Variants in UAP1 observed in about 807,000 individuals in gnomAD.
UAP1 encodes the protein UDP-N-acetylglucosamine pyrophosphorylase 1, also known as UDP-N-acetylhexosamine pyrophosphorylase.
A neutral mutation model predicts 58.5 loss-of-function variants in UAP1; 25 were observed. That is an observed-to-expected ratio of 0.43 (90% CI 0.31 to 0.60). UAP1 has a LOEUF of 0.60. UAP1 is among the 20% of genes least tolerant of loss of function. The pLI, the probability that UAP1 is intolerant of heterozygous loss-of-function variation, is 0.11. For missense variants in UAP1, 575 were observed against 630.0 expected (o/e 0.91, Z 0.93); for synonymous variants, 208 against 213.0 (o/e 0.98, Z 0.21).
At chr1:162,599,467 A>G (rs1252947245) in exon 11 of UAP1, 3 of 704,132 alleles carry the variant, frequency 4.3e-6, no homozygotes, top group Admixed American at 2.8e-5. Context: ...TTAAATATCC[A>G]CAGGGTTTTA....
chr1:162,568,017 C>T lies in UAP1; in HGVS notation c.280+1669C>T, dbSNP rs576098361. On this transcript the variant is annotated intron_variant, in intron 2 of 10. Coordinates refer to ENST00000271469, the Ensembl canonical transcript of UAP1. ...TTCACCATGTTGGCCAGACTGGTCT[C>T]GAACTCCTGACCTCAAGTGATCCGC... 5.9e-5 allele frequency among the ~76,000 whole-genome samples: 9 copies of T among 152,220 alleles called. No homozygotes were observed. The South Asian group carries it at 1.7e-3, about 28-fold the overall frequency.
At chr1:162,583,572 T>C (rs77915206) in intron 5 of UAP1, among the ~76,000 whole-genome samples, 32,944 of 152,114 alleles carry the variant, frequency 0.22, 3,821 homozygotes, top group Middle Eastern at 0.31. Context: ...AGAGATCATC[T>C]GGTCAACCCC....
chr1:162,567,931 G>C (rs1653620143), intron 2 of UAP1, among the ~76,000 whole-genome samples: 1 of 152,078 alleles, frequency 6.6e-6, no homozygotes, highest in Non-Finnish European at 1.5e-5. Context: ...GAGTAGCTGG[G>C]ATTACAGGTT....
exon 11 of UAP1, chr1:162,599,342 G>A (rs755601174): frequency 1.2e-5 from 19 of 1,611,224 alleles, no homozygotes; most frequent in Non-Finnish European, 1.5e-5. Flanking sequence ...GAGTTCATGA[G>A]CTGGTGAAAA....
chr1:162,601,187 AT>A (rs1655880470), downstream of UAP1, among the ~76,000 whole-genome samples: 1 of 152,210 alleles, frequency 6.6e-6, no homozygotes, highest in South Asian at 2.1e-4. Flanking sequence ...AAAATACAGA[AT>A]TGGGTAAAAT....
chr1:162,568,083 C>T (rs544012279), intron 2 of UAP1, among the ~76,000 whole-genome samples: 1 of 152,308 alleles, frequency 6.6e-6, no homozygotes, highest in South Asian at 2.1e-4. Flanking sequence ...CAGGTATGAG[C>T]CACCGTGCCC....
chr1:162,567,112 T>A (rs1653563293), intron 2 of UAP1, among the ~76,000 whole-genome samples: 2 of 152,230 alleles, frequency 1.3e-5, no homozygotes, highest in South Asian at 4.1e-4. Context: ...GGTCACCTTG[T>A]AAGGTCATTT....
At chr1:162,561,642 T>G (rs1210538560) in exon 1 of UAP1, 1 of 151,534 alleles carries the variant, frequency 6.6e-6, no homozygotes, top group Admixed American at 6.6e-5. Flanking sequence ...GCGCTCCACT[T>G]GGCCCCCGCT....
rs369015311 is a variant in UAP1 at position 162,596,098 on chromosome 1, C to T, written c.1410-1694C>T. Among the ~76,000 whole-genome samples the T allele has an allele frequency of 1.1e-4, 16 of 152,134 alleles. No homozygotes were observed. The East Asian group carries it at 2.1e-3, about 20-fold the overall frequency. On this transcript the variant is annotated intron_variant, in intron 9 of 10. Transcript: ENST00000271469. ...GAATTCCTGACCTCAAGTGATCTGC[C>T]CACCTTGGCCTCTCAAAGTGCTGAG...
At chr1:162,577,955 T>A (rs1377807645) in intron 3 of UAP1, among the ~76,000 whole-genome samples, 1 of 151,976 alleles carries the variant, frequency 6.6e-6, no homozygotes, top group Non-Finnish European at 1.5e-5. Flanking sequence ...GGTCTCAAAT[T>A]CCTGAGCTCA....
intron 7 of UAP1, among the ~76,000 whole-genome samples, chr1:162,589,132 ATTTATATATTTATATAATATATAT>A (rs1557977282): frequency 9.2e-6 from 1 of 108,454 alleles, no homozygotes; most frequent in African/African-American, 3.8e-5. Context: ...TATATATATA[ATTTATATATTTATATAATATATAT>A]TATATATAAT....
chr1:162,567,913 A>G (rs1446580482), intron 2 of UAP1, among the ~76,000 whole-genome samples: 1 of 152,092 alleles, frequency 6.6e-6, no homozygotes, highest in African/African-American at 2.4e-5. Flanking sequence ...CTCCTGCCTC[A>G]GCTTCCCGAG....
chr1:162,571,670 A>G (rs923436731), intron 2 of UAP1, among the ~76,000 whole-genome samples: 1 of 152,244 alleles, frequency 6.6e-6, no homozygotes, highest in Admixed American at 6.5e-5. Context: ...TGTGCTGCCC[A>G]TATAAAATTT....
chr1:162,593,186 G>GT (rs1166956418), intron 9 of UAP1: 2 of 179,732 alleles, frequency 1.1e-5, no homozygotes, highest in African/African-American at 4.7e-5. Context: ...TATACAGGCT[G>GT]ATTGTTCCTG....
chr1:162,594,776 T>G (rs1442833745), intron 9 of UAP1, among the ~76,000 whole-genome samples: 1 of 152,236 alleles, frequency 6.6e-6, no homozygotes, highest in Non-Finnish European at 1.5e-5. Flanking sequence ...ATTCTTACTC[T>G]TTTGTTTAAT....
chr1:162,587,794 T>C (rs1310372861), intron 6 of UAP1, 126 bp downstream of exon 6: 2 of 912,464 alleles, frequency 2.2e-6, no homozygotes, highest in African/African-American at 1.7e-5. Flanking sequence ...GGATCACTTA[T>C]CAAATGGACA....
intron 4 of UAP1, among the ~76,000 whole-genome samples, chr1:162,580,111 C>T (rs1273577321): frequency 1.3e-5 from 2 of 152,146 alleles, no homozygotes; most frequent in Non-Finnish European, 2.9e-5. Context: ...AAATGATGTA[C>T]CTGCCTTGGC....
At chr1:162,599,346 G>C in exon 11 of UAP1, 1 of 1,610,434 alleles carries the variant, frequency 6.2e-7, no homozygotes, top group Non-Finnish European at 8.5e-7. Context: ...TCATGAGCTG[G>C]TGAAAAATGG....
At chr1:162,594,608 G>A (rs1655512169) in intron 9 of UAP1, among the ~76,000 whole-genome samples, 1 of 152,068 alleles carries the variant, frequency 6.6e-6, no homozygotes, top group Non-Finnish European at 1.5e-5. Context: ...TTTAATATAT[G>A]GAAGCAAGCT....
Sources: allele counts gnomAD v4.1 joint callset (sites outside exome capture counted in the v4.1 genomes callset), GRCh38; gene constraint gnomAD v4.1.1; transcripts MANE v1.5; gene names NCBI Gene and HGNC (gene_info 2026-07-23, HGNC 2026-07-21).